The following SHTN1 variants were observed in gnomAD, a reference collection of about 807,000 sequenced individuals.
SHTN1 encodes the protein shootin-1.
Under a neutral mutation model 83.1 loss-of-function variants are expected in SHTN1, and 42 were observed. The ratio of observed to expected loss-of-function variants is 0.51; its 90% CI spans 0.39 to 0.65. SHTN1 has a LOEUF of 0.65. Ranked by LOEUF, SHTN1 falls within the 30% of genes least tolerant of loss-of-function variation. SHTN1 has a pLI of 0.00. For synonymous variants in SHTN1, 224 were observed against 247.7 expected, an observed-to-expected ratio of 0.90 and a Z score of 0.90; for missense variants, 622 against 737.8, an observed-to-expected ratio of 0.84 and a Z score of 1.82.
chr10:116,996,194 G>A (rs1055868952), intron 1 of SHTN1, among the ~76,000 whole-genome samples: 1 of 152,096 alleles, frequency 6.6e-6, no homozygotes, highest in Non-Finnish European at 1.5e-5. Flanking sequence ...TAATAGTTCA[G>A]AAACTATAGT....
At chr10:116,930,077 A>T (rs1848902792) in intron 9 of SHTN1, 75 bp from the exon 10 acceptor site, 4 of 1,009,044 alleles carry the variant, frequency 4.0e-6, no homozygotes, top group Non-Finnish European at 5.8e-6. Context: ...AAGGGAAAAA[A>T]TAAATATTTC....
intron 3 of SHTN1, among the ~76,000 whole-genome samples, chr10:116,964,548 C>G (rs1207775687): frequency 6.6e-6 from 1 of 152,194 alleles, no homozygotes; most frequent in Non-Finnish European, 1.5e-5. Flanking sequence ...ATGTGGTGAA[C>G]ATATCACAAA....
intron 1 of SHTN1, among the ~76,000 whole-genome samples, chr10:117,076,656 A>C (rs1028921255): frequency 6.6e-6 from 1 of 152,240 alleles, no homozygotes; most frequent in African/African-American, 2.4e-5. Context: ...TCATCATTTC[A>C]AATATCGAAA....
At chr10:117,077,680 C>G (rs1238214825) in intron 1 of SHTN1, among the ~76,000 whole-genome samples, 1 of 152,038 alleles carries the variant, frequency 6.6e-6, no homozygotes, top group Non-Finnish European at 1.5e-5. Context: ...TTCCTGTGTC[C>G]ATGTGTTCTC....
chr10:116,887,884 G>GC (rs1847215248), intron 16 of SHTN1, among the ~76,000 whole-genome samples: 1 of 152,144 alleles, frequency 6.6e-6, no homozygotes, highest in Admixed American at 6.5e-5. Flanking sequence ...TGTCTCTCTT[G>GC]CAACAAAAAC....
At chr10:117,057,108 T>A (rs184235676) in intron 1 of SHTN1, among the ~76,000 whole-genome samples, 1 of 152,150 alleles carries the variant, frequency 6.6e-6, no homozygotes, top group African/African-American at 2.4e-5. Context: ...ACTGTTTACA[T>A]AGAAAATCTC....
At chr10:117,107,000 A>G (rs896058023) in intron 1 of SHTN1, among the ~76,000 whole-genome samples, 1 of 152,334 alleles carries the variant, frequency 6.6e-6, no homozygotes, top group Non-Finnish European at 1.5e-5. Flanking sequence ...TACCTGACAC[A>G]TAAGTTCCCA....
intron 2 of SHTN1, among the ~76,000 whole-genome samples, chr10:117,030,017 T>G (rs1003686855): frequency 2.8e-4 from 43 of 151,918 alleles, no homozygotes; most frequent in African/African-American, 1.0e-3. Flanking sequence ...GCCTCCCAAG[T>G]GTCTGGGCCT....
chr10:117,106,418 G>A (rs756868730), intron 1 of SHTN1, among the ~76,000 whole-genome samples: 5 of 152,266 alleles, frequency 3.3e-5, no homozygotes, highest in Non-Finnish European at 5.9e-5. Flanking sequence ...TTGCGCCACT[G>A]CACTCTAGCC....
intron 1 of SHTN1, among the ~76,000 whole-genome samples, chr10:116,996,772 G>C (rs1851641584): frequency 6.6e-6 from 1 of 152,074 alleles, no homozygotes; most frequent in Non-Finnish European, 1.5e-5. Flanking sequence ...CCTAGTCTCA[G>C]GACTAAGAGA....
chr10:117,099,561 C>T (rs540165444), intron 1 of SHTN1, among the ~76,000 whole-genome samples: 10 of 152,216 alleles, frequency 6.6e-5, no homozygotes, highest in African/African-American at 2.2e-4. Flanking sequence ...ATTTGAGTCA[C>T]GTCAGATTCC....
chr10:116,940,679 A>G, intron 8 of SHTN1, 67 bp from the exon 9 acceptor site: 1 of 1,281,684 alleles, frequency 7.8e-7, no homozygotes, highest in South Asian at 1.8e-5. Flanking sequence ...CTGTAACTTC[A>G]GCAAAAGAAA....
Position 117,033,387 on chromosome 10 carries a change from G to A in SHTN1, c.-123+15058C>T, listed in dbSNP as rs1035427612. Among the ~76,000 whole-genome samples, 6 of 152,096 alleles carry A rather than the reference G, an allele frequency of 3.9e-5. No individual in the cohort carries two copies. In the South Asian group the frequency reaches 6.2e-4, roughly 16 times the overall value. On this transcript the variant is annotated intron_variant, in intron 2 of 17. Transcript: ENST00000392901. ...TGCAGAAATTCAAAGGATCATTAGTGGATACTATGAGCAACTACATGCCAG... is the reference window on the plus strand; with the variant it reads ...TGCAGAAATTCAAAGGATCATTAGTAGATACTATGAGCAACTACATGCCAG...
chr10:116,881,525 A>C lies in SHTN1; in HGVS notation c.*4819T>G. On this transcript the variant is annotated 3_prime_UTR_variant, in exon 17 of 17. Transcript: ENST00000355371. Reference sequence around the variant, plus strand: ...TGTTACTTTAAATAGGTTTCAAAGAAGAACACACTTTTTTTTACTTTAATG... The same window carrying C: ...TGTTACTTTAAATAGGTTTCAAAGACGAACACACTTTTTTTTACTTTAATG... 1.9e-6 allele frequency: 3 copies of C among 1,542,362 alleles called. No individual in the cohort carries two copies. Among genetic ancestry groups the C allele is most frequent in the Non-Finnish European group, 2.6e-6 (3 of 1,144,230 alleles).
intron 2 of SHTN1, among the ~76,000 whole-genome samples, chr10:117,019,940 G>A (rs1852235222): frequency 6.6e-6 from 1 of 152,058 alleles, no homozygotes; most frequent in Non-Finnish European, 1.5e-5. Context: ...GGTATGGATT[G>A]GAAGACTTAA....
intron 1 of SHTN1, among the ~76,000 whole-genome samples, chr10:117,103,525 CCTCTCTTTT>C: frequency 7.7e-6 from 1 of 130,526 alleles, no homozygotes; most frequent in South Asian, 2.6e-4. Flanking sequence ...CCTCCCCTCC[CCTCTCTTTT>C]TTTTTTTTTT....
intron 15 of SHTN1, among the ~76,000 whole-genome samples, chr10:116,905,551 C>A (rs1410871741): frequency 6.6e-6 from 1 of 152,028 alleles, no homozygotes; most frequent in Admixed American, 6.5e-5. Context: ...TGGTATTAAG[C>A]CACTTTGGGT....
chr10:117,040,911 ACT>A (rs931101674), intron 2 of SHTN1, among the ~76,000 whole-genome samples: 10 of 151,490 alleles, frequency 6.6e-5, no homozygotes, highest in South Asian at 2.1e-4. Flanking sequence ...TTTATACTCA[ACT>A]CTTTTTCTTT....
chr10:117,069,234 A>G (rs1354459808), intron 1 of SHTN1, among the ~76,000 whole-genome samples: 2 of 152,190 alleles, frequency 1.3e-5, no homozygotes, highest in Non-Finnish European at 1.5e-5. Context: ...GAAGGACTGA[A>G]AAGTATTCAC....
Sources: gnomAD v4.1 joint callset for allele counts (sites outside exome capture counted in the v4.1 genomes callset) on GRCh38, gnomAD v4.1.1 for gene constraint, MANE v1.5 for transcripts, NCBI Gene and HGNC (gene_info 2026-07-23, HGNC 2026-07-21) for gene names.